Variants in ZHX2 observed in about 807,000 individuals in gnomAD.
ZHX2 encodes the protein zinc fingers and homeoboxes protein 2.
Under a neutral mutation model 21.9 loss-of-function variants are expected in ZHX2, and 6 were observed. The observed-to-expected ratio is 0.27, with a 90% confidence interval of 0.15 to 0.54. The LOEUF (loss-of-function observed/expected upper bound fraction) is 0.54, where lower values mean the gene tolerates loss of function less well. ZHX2 is among the 20% of genes least tolerant of loss of function. The pLI, the probability that ZHX2 is intolerant of heterozygous loss-of-function variation, is 0.95. For synonymous variants in ZHX2, 434 were observed against 437.1 expected, an observed-to-expected ratio of 0.99 and a Z score of 0.09; for missense variants, 908 against 1,090.7, an observed-to-expected ratio of 0.83 and a Z score of 2.36.
chr8:122,897,698 A>G (rs1002950797), intron 2 of ZHX2, among the ~76,000 whole-genome samples: 1 of 152,178 alleles, frequency 6.6e-6, no homozygotes, highest in Non-Finnish European at 1.5e-5. Flanking sequence ...CTGACAAAAA[A>G]AAAAAAAGAA....
chr8:122,866,349 A>G (rs769988824), intron 2 of ZHX2, among the ~76,000 whole-genome samples: 8 of 152,084 alleles, frequency 5.3e-5, no homozygotes, highest in Non-Finnish European at 8.8e-5. Flanking sequence ...GATTTGGAGC[A>G]TATTTCAGAT....
At chr8:122,863,690 A>G (rs1819222197) in intron 2 of ZHX2, among the ~76,000 whole-genome samples, 151 bp downstream of exon 2, 1 of 152,120 alleles carries the variant, frequency 6.6e-6, no homozygotes, top group Non-Finnish European at 1.5e-5. Flanking sequence ...AGGGCCCAGA[A>G]TCTAGGTGTG....
intron 1 of ZHX2, among the ~76,000 whole-genome samples, chr8:122,849,003 T>C (rs181132799): frequency 6.6e-6 from 1 of 152,340 alleles, no homozygotes; most frequent in Admixed American, 6.5e-5. Context: ...GCTGCTTGCC[T>C]GTGAACTAAA....
chr8:122,890,078 T>A (rs1448185173), intron 2 of ZHX2, among the ~76,000 whole-genome samples: 1 of 152,162 alleles, frequency 6.6e-6, no homozygotes, highest in Non-Finnish European at 1.5e-5. Context: ...TTCTAGTAGT[T>A]TTATAGTTTG....
At chr8:122,825,923 T>A (rs1818256274) in intron 1 of ZHX2, among the ~76,000 whole-genome samples, 1 of 152,198 alleles carries the variant, frequency 6.6e-6, no homozygotes, top group Non-Finnish European at 1.5e-5. Context: ...CATTATCCCC[T>A]GCTCTCCAGG....
intron 2 of ZHX2, among the ~76,000 whole-genome samples, chr8:122,938,973 C>G (rs1299310840): frequency 6.6e-6 from 1 of 152,160 alleles, no homozygotes; most frequent in Admixed American, 6.5e-5. Context: ...GTCAACAGAG[C>G]TGGGAGGGCA....
chr8:122,860,317 T>G lies in ZHX2; in HGVS notation c.-282-3160T>G, dbSNP rs187570132. ...GGAGATTACAATTCAAGATGAGATT[T>G]GGGTGGGGACAGAAAGCCTAACCAT... is the stretch of plus-strand genomic sequence containing the variant. On this transcript the variant is annotated intron_variant, in intron 1 of 3. Transcript: ENST00000314393. Among the ~76,000 whole-genome samples, 12 of 152,332 alleles carry G rather than the reference T, an allele frequency of 7.9e-5. No individual in the cohort carries two copies. In the East Asian group the frequency reaches 2.3e-3, roughly 29 times the overall value.
chr8:122,864,242 G>C (rs983987597), intron 2 of ZHX2, among the ~76,000 whole-genome samples: 3 of 150,600 alleles, frequency 2.0e-5, no homozygotes, highest in African/African-American at 7.3e-5. Flanking sequence ...TGTAGGGAAA[G>C]TCTGAATGAA....
chr8:122,818,273 T>C (rs1818073253), intron 1 of ZHX2, among the ~76,000 whole-genome samples: 1 of 150,936 alleles, frequency 6.6e-6, no homozygotes, highest in Non-Finnish European at 1.5e-5. Context: ...TTATTTGGGG[T>C]TGAGAAAAGC....
At chr8:122,972,023 C>T (rs1041292666) in intron 3 of ZHX2, among the ~76,000 whole-genome samples, 1 of 152,174 alleles carries the variant, frequency 6.6e-6, no homozygotes, top group African/African-American at 2.4e-5. Flanking sequence ...TGTCTGCCGA[C>T]AGTCTTTTGC....
At chr8:122,870,111 G>T (rs974680103) in intron 2 of ZHX2, among the ~76,000 whole-genome samples, 3 of 152,138 alleles carry the variant, frequency 2.0e-5, no homozygotes, top group African/African-American at 7.2e-5. Flanking sequence ...AGGTGGCAGA[G>T]GTGGACAAAG....
intron 2 of ZHX2, among the ~76,000 whole-genome samples, chr8:122,910,980 T>C (rs1820465982): frequency 6.6e-6 from 1 of 152,200 alleles, no homozygotes; most frequent in South Asian, 2.1e-4. Flanking sequence ...TACATGTTCC[T>C]GTTATAAGTC....
At chr8:122,893,347 G>A (rs1417708552) in intron 2 of ZHX2, among the ~76,000 whole-genome samples, 1 of 152,072 alleles carries the variant, frequency 6.6e-6, no homozygotes, top group African/African-American at 2.4e-5. Flanking sequence ...CCTAGATCTG[G>A]ATGTCTAAAT....
intron 1 of ZHX2, among the ~76,000 whole-genome samples, chr8:122,823,532 A>T (rs1313604818): frequency 6.6e-6 from 1 of 152,188 alleles, no homozygotes; most frequent in African/African-American, 2.4e-5. Flanking sequence ...CTTTGCATTT[A>T]TGAGATTCAG....
chr8:122,893,649 C>T (rs1199515958), intron 2 of ZHX2, among the ~76,000 whole-genome samples: 1 of 151,998 alleles, frequency 6.6e-6, no homozygotes, highest in Non-Finnish European at 1.5e-5. Flanking sequence ...TCATTGAATC[C>T]TTTAGCCCCA....
chr8:122,797,186 C>T (rs891239119), intron 1 of ZHX2, among the ~76,000 whole-genome samples: 1 of 152,194 alleles, frequency 6.6e-6, no homozygotes, highest in African/African-American at 2.4e-5. Context: ...TTATTTCTTC[C>T]TTTCATGAAG....
intron 1 of ZHX2, among the ~76,000 whole-genome samples, chr8:122,796,798 A>G (rs1240357026): frequency 6.6e-6 from 1 of 152,176 alleles, no homozygotes; most frequent in Non-Finnish European, 1.5e-5. Context: ...AATCCTATAT[A>G]GTGACAAGAC....
chr8:122,943,398 G>A (rs1002376905), intron 2 of ZHX2, among the ~76,000 whole-genome samples: 2 of 152,238 alleles, frequency 1.3e-5, no homozygotes, highest in African/African-American at 4.8e-5. Flanking sequence ...GCTCCAGGCT[G>A]TGTGACCTTG....
intron 3 of ZHX2, among the ~76,000 whole-genome samples, chr8:122,957,894 T>A (rs1237920610): frequency 6.6e-6 from 1 of 152,114 alleles, no homozygotes; most frequent in Non-Finnish European, 1.5e-5. Context: ...GGAAAAAAAA[T>A]CTCTCCAAAT....
Sources: gnomAD v4.1 joint callset for allele counts (sites outside exome capture counted in the v4.1 genomes callset) on GRCh38, gnomAD v4.1.1 for gene constraint, MANE v1.5 for transcripts, NCBI Gene and HGNC (gene_info 2026-07-23, HGNC 2026-07-21) for gene names.